CCDC102B: variants seen among roughly 807,000 people sequenced by gnomAD.
The protein encoded by CCDC102B is coiled-coil domain-containing protein 102B.
In CCDC102B, 75 loss-of-function variants were observed where a neutral mutation model predicts 57.4. The ratio of observed to expected loss-of-function variants is 1.31; its 90% CI spans 1.08 to 1.58. The LOEUF (loss-of-function observed/expected upper bound fraction) is 1.58. CCDC102B is among the 40% of genes most tolerant of loss of function. The pLI, the probability that CCDC102B is intolerant of heterozygous loss-of-function variation, is 0.00. For missense variants in CCDC102B, 636 were observed against 582.6 expected (o/e 1.09, Z -0.94); for synonymous variants, 206 against 201.9 (o/e 1.02, Z -0.17).
intron 6 of CCDC102B, among the ~76,000 whole-genome samples, chr18:68,943,944 G>A (rs1165418264): frequency 6.6e-6 from 1 of 152,104 alleles, no homozygotes; most frequent in African/African-American, 2.4e-5. Context: ...AAAAAGCAAG[G>A]GAACCAGGTA....
At chr18:68,847,779 A>G (rs924551426) in intron 4 of CCDC102B, among the ~76,000 whole-genome samples, 4 of 151,816 alleles carry the variant, frequency 2.6e-5, no homozygotes, top group Non-Finnish European at 4.4e-5. Flanking sequence ...AAATTGTGAA[A>G]AATTTGTCTT....
At chr18:68,988,520 A>G (rs1005541151) in intron 6 of CCDC102B, among the ~76,000 whole-genome samples, 1 of 151,106 alleles carries the variant, frequency 6.6e-6, no homozygotes, top group Non-Finnish European at 1.5e-5. Flanking sequence ...AAACCCACAC[A>G]TGTACCCACT....
At chr18:68,911,745 C>T (rs2040876073) in intron 6 of CCDC102B, among the ~76,000 whole-genome samples, 1 of 37,118 alleles carries the variant, frequency 2.7e-5, no homozygotes. Context: ...GAGCGAGACT[C>T]CGTCTCAAAA....
At chr18:69,032,572 A>G (rs905596027) in intron 7 of CCDC102B, among the ~76,000 whole-genome samples, 7 of 152,186 alleles carry the variant, frequency 4.6e-5, no homozygotes, top group Admixed American at 4.6e-4. Flanking sequence ...TCTTGATGAG[A>G]CTATTCTACA....
chr18:68,735,779 G>C (rs1221797283), intron 2 of CCDC102B, among the ~76,000 whole-genome samples: 1 of 152,168 alleles, frequency 6.6e-6, no homozygotes, highest in Admixed American at 6.5e-5. Flanking sequence ...GTGAGATCCA[G>C]TATAAACTAA....
intron 6 of CCDC102B, among the ~76,000 whole-genome samples, chr18:68,947,197 G>A (rs2049564470): frequency 6.6e-6 from 1 of 151,816 alleles, no homozygotes; most frequent in African/African-American, 2.4e-5. Context: ...CCAAGAGATA[G>A]AGGGGCATCA....
intron 6 of CCDC102B, among the ~76,000 whole-genome samples, chr18:68,970,219 C>T (rs1047845855): frequency 8.6e-5 from 13 of 151,998 alleles, no homozygotes; most frequent in African/African-American, 3.1e-4. Flanking sequence ...TTAAAGCACA[C>T]TTCTTTATCT....
intron 2 of CCDC102B, among the ~76,000 whole-genome samples, chr18:68,752,929 C>T (rs1027318529): frequency 2.6e-5 from 4 of 152,082 alleles, no homozygotes; most frequent in African/African-American, 9.7e-5. Flanking sequence ...AAAATCTCAG[C>T]CATTACTTTT....
intron 2 of CCDC102B, among the ~76,000 whole-genome samples, chr18:68,767,020 A>G (rs1385213939): frequency 1.3e-5 from 2 of 152,242 alleles, no homozygotes; most frequent in African/African-American, 4.8e-5. Flanking sequence ...ACACTTCGGT[A>G]AATGCAGATT....
intron 6 of CCDC102B, among the ~76,000 whole-genome samples, chr18:68,925,295 G>A (rs532144706): frequency 1.2e-4 from 18 of 152,126 alleles, no homozygotes; most frequent in African/African-American, 4.3e-4. Flanking sequence ...ACTCCCCAGA[G>A]TCTGATAAAT....
intron 6 of CCDC102B, among the ~76,000 whole-genome samples, chr18:68,972,239 A>G (rs1238902941): frequency 6.6e-6 from 1 of 152,156 alleles, no homozygotes; most frequent in Non-Finnish European, 1.5e-5. Flanking sequence ...GACCATGAAA[A>G]AAGAGGAGAA....
At chr18:68,791,456 A>G (rs190558198) in intron 2 of CCDC102B, among the ~76,000 whole-genome samples, 1 of 152,338 alleles carries the variant, frequency 6.6e-6, no homozygotes, top group East Asian at 1.9e-4. Flanking sequence ...ATCCTGGAGT[A>G]GAAGTCACTC....
intron 7 of CCDC102B, among the ~76,000 whole-genome samples, chr18:69,012,114 G>T (rs572682612): frequency 1.4e-4 from 22 of 152,168 alleles, no homozygotes; most frequent in African/African-American, 5.1e-4. Context: ...AGATATATAT[G>T]TACTTTGTAA....
intron 6 of CCDC102B, among the ~76,000 whole-genome samples, chr18:68,910,870 T>C (rs1460539089): frequency 6.6e-6 from 1 of 151,376 alleles, no homozygotes; most frequent in Admixed American, 6.6e-5. Context: ...CTTCAGAGAT[T>C]GAAGATGAAA....
intron 7 of CCDC102B, among the ~76,000 whole-genome samples, chr18:69,051,272 T>C (rs750862612): frequency 1.3e-5 from 2 of 152,150 alleles, no homozygotes; most frequent in Non-Finnish European, 2.9e-5. Context: ...GTATTACTTT[T>C]AATGTCATAA....
intron 2 of CCDC102B, among the ~76,000 whole-genome samples, chr18:68,725,014 A>G (rs1490200627): frequency 6.6e-6 from 1 of 152,212 alleles, no homozygotes; most frequent in Non-Finnish European, 1.5e-5. Flanking sequence ...GAAACTTACA[A>G]TCATGGCGGA....
chr18:68,869,549 A>C (rs904488177), intron 4 of CCDC102B, among the ~76,000 whole-genome samples: 1 of 152,232 alleles, frequency 6.6e-6, no homozygotes, highest in Non-Finnish European at 1.5e-5. Flanking sequence ...ACTTGAGTGG[A>C]AGCTCCAAGA....
chr18:68,981,470 C>T (rs1196632532), intron 6 of CCDC102B, among the ~76,000 whole-genome samples: 3 of 152,014 alleles, frequency 2.0e-5, no homozygotes, highest in Non-Finnish European at 2.9e-5. Context: ...TAGCTGAACT[C>T]AGTCGTTAGG....
intron 1 of CCDC102B, among the ~76,000 whole-genome samples, chr18:68,834,454 T>TATATATATATA (rs1568275774): frequency 2.7e-5 from 4 of 146,872 alleles, no homozygotes; most frequent in Non-Finnish European, 3.0e-5. Context: ...TATATATATA[T>TATATATATATA]TTGCTGTGTT....
Sources: gnomAD v4.1 joint callset for allele counts (sites outside exome capture counted in the v4.1 genomes callset) on GRCh38, gnomAD v4.1.1 for gene constraint, MANE v1.5 for transcripts, NCBI Gene and HGNC (gene_info 2026-07-23, HGNC 2026-07-21) for gene names.